The following ATPAF2 variants were observed in gnomAD, a reference collection of about 807,000 sequenced individuals.
ATPAF2 encodes the protein ATP12 homolog.
Under a neutral mutation model 36.6 loss-of-function variants are expected in ATPAF2, and 30 were observed. The ratio of observed to expected loss-of-function variants is 0.82; its 90% confidence interval spans 0.61 to 1.11. The LOEUF (loss-of-function observed/expected upper bound fraction) is 1.11, where lower values mean the gene tolerates loss of function less well. ATPAF2 is among the 50% of genes most tolerant of loss of function. The probability of loss-of-function intolerance (pLI) is 0.00; values close to 1 mark genes in which losing one functional copy is unlikely to be tolerated. For synonymous variants in ATPAF2, 140 were observed against 152.6 expected (o/e 0.92, Z 0.61); for missense variants, 321 against 372.3 (o/e 0.86, Z 1.13).
intron 5 of ATPAF2, among the ~76,000 whole-genome samples, chr17:18,023,350 C>G (rs1203186120): frequency 6.6e-6 from 1 of 151,972 alleles, no homozygotes; most frequent in Non-Finnish European, 1.5e-5. Flanking sequence ...ATCGTTTAAA[C>G]CCAAGAGGTG....
chr17:18,018,759 C>T lies in ATPAF2; in HGVS notation c.733-73G>A, dbSNP rs2044422744. 6.2e-6 allele frequency: 10 copies of T among 1,609,028 alleles called. No individual in the cohort carries two copies. In the Middle Eastern group the frequency reaches 5.0e-4, roughly 80 times the overall value. On this transcript the variant is annotated intron_variant, in intron 7 of 7. Transcript: ENST00000474627. ...CTGCCTCCTGACCAAAGCCACGTTCCATTCCAATAGGTTGGCTGAGGGCAA... is the reference window on the plus strand; with the variant it reads ...CTGCCTCCTGACCAAAGCCACGTTCTATTCCAATAGGTTGGCTGAGGGCAA...
chr17:18,029,531 AAAT>A (rs1336629841), intron 1 of ATPAF2, among the ~76,000 whole-genome samples: 2 of 152,202 alleles, frequency 1.3e-5, no homozygotes, highest in Non-Finnish European at 2.9e-5. Context: ...TATTTATTGG[AAAT>A]AATGATGCAG....
At chr17:18,033,319 G>T (rs548981153) in intron 1 of ATPAF2, among the ~76,000 whole-genome samples, 3 of 146,474 alleles carry the variant, frequency 2.0e-5, no homozygotes, top group Non-Finnish European at 3.0e-5. Flanking sequence ...CCAAGATTGC[G>T]CCACTGCACC....
intron 7 of ATPAF2, 171 bp downstream of exon 7, chr17:18,020,952 T>C: frequency 7.0e-7 from 1 of 1,426,414 alleles, no homozygotes. Flanking sequence ...TGAACCACCA[T>C]GCCAGGCCTA....
intron 1 of ATPAF2, among the ~76,000 whole-genome samples, chr17:18,030,054 C>G (rs1597674273): frequency 6.6e-6 from 1 of 151,800 alleles, no homozygotes; most frequent in East Asian, 1.9e-4. Flanking sequence ...GGCGCAGTGG[C>G]TCACGCCTGT....
Position 18,021,155 on chromosome 17 carries a change from C to T in ATPAF2, c.700G>A (p.Val234Met), listed in dbSNP as rs577409637. ...TCCTCCTCCAGGCGTGACAGCAGCA[C>T]GGCCTGCTCCACTGTCAGGCGCAGG... ...IDLRLTVEQA[V>M]LLSRLEEEYQ... Residue 234 changes from valine to methionine, a missense_variant, in exon 7 of 8, where the codon GTG (valine) becomes ATG (methionine). This residue lies in a region of ATPAF2 where 199 missense variants were observed against 220.6 expected (regional missense o/e 0.90). Coordinates refer to ENST00000474627, the MANE Select transcript of ATPAF2 (RefSeq NM_145691.4). The T allele has an allele frequency of 4.3e-6, 7 of 1,613,938 alleles. No individual in the cohort carries two copies. In the African/African-American group the frequency reaches 5.3e-5, roughly 12 times the overall value.
intron 7 of ATPAF2, among the ~76,000 whole-genome samples, chr17:18,019,263 T>TCCAGGC (rs370959799): frequency 1.5e-4 from 23 of 151,574 alleles, no homozygotes; most frequent in African/African-American, 5.6e-4. Flanking sequence ...AGAAGTGCAG[T>TCCAGGC]CCAGGCCCAG....
intron 1 of ATPAF2, 117 bp from the exon 2 acceptor site, chr17:18,028,776 TC>T (rs1421989664): frequency 1.2e-5 from 12 of 996,350 alleles, no homozygotes; most frequent in Admixed American, 1.7e-5. Flanking sequence ...GATTTTCATA[TC>T]CCCATTCAAG....
intron 3 of ATPAF2, chr17:18,026,786 C>T: frequency 2.9e-6 from 1 of 350,048 alleles, no homozygotes; most frequent in South Asian, 2.9e-5. Flanking sequence ...AACTGAGGCC[C>T]AGACAGGTTA....
chr17:18,016,629 G>C (rs2044374539), downstream of ATPAF2: 1 of 1,613,806 alleles, frequency 6.2e-7, no homozygotes, highest in Admixed American at 1.7e-5. Context: ...ACCACATGCA[G>C]AGCGAACTGG....
At chr17:18,021,390 C>G (rs1341128109) in intron 6 of ATPAF2, 152 bp from the exon 7 acceptor site, 12 of 723,456 alleles carry the variant, frequency 1.7e-5, no homozygotes, top group Middle Eastern at 3.5e-4. Context: ...GCACTCTGGT[C>G]TTCCCTGGGG....
chr17:18,024,484 G>A (rs1370624558), intron 5 of ATPAF2, 140 bp downstream of exon 5: 5 of 747,900 alleles, frequency 6.7e-6, no homozygotes, highest in Non-Finnish European at 1.2e-5. Flanking sequence ...TCATATGAGG[G>A]GAGCCAAATC....
intron 1 of ATPAF2, among the ~76,000 whole-genome samples, chr17:18,029,459 G>A (rs554051638): frequency 3.3e-5 from 5 of 152,072 alleles, no homozygotes; most frequent in African/African-American, 7.2e-5. Flanking sequence ...TCATTCATTC[G>A]TTTGTTCACT....
At chr17:18,030,236 G>C (rs938166700) in intron 1 of ATPAF2, among the ~76,000 whole-genome samples, 9 of 144,772 alleles carry the variant, frequency 6.2e-5, no homozygotes, top group Non-Finnish European at 1.0e-4. Flanking sequence ...CAGGAGAATC[G>C]CTTGAACCCG....
chr17:18,027,939 A>T, intron 3 of ATPAF2: 1 of 454,076 alleles, frequency 2.2e-6, no homozygotes. Flanking sequence ...ACAAATGGCC[A>T]GCTGCTGTCA....
intron 4 of ATPAF2, 102 bp downstream of exon 4, chr17:18,026,217 T>A: frequency 8.5e-7 from 1 of 1,170,176 alleles, no homozygotes; most frequent in Admixed American, 1.7e-5. Context: ...TCCTTGTCCT[T>A]GCAATAAATG....
chr17:18,031,786 A>T (rs1265905037), intron 1 of ATPAF2, among the ~76,000 whole-genome samples: 1 of 152,206 alleles, frequency 6.6e-6, no homozygotes, highest in Non-Finnish European at 1.5e-5. Context: ...TCTCAAAAAA[A>T]AGAAAATAAA....
rs996761727 is a variant in ATPAF2 at position 18,018,639 on chromosome 17, C to G, written c.780G>C (p.Gln260His). Residue 260 changes from glutamine to histidine, a missense_variant, in exon 8 of 8, where the codon CAG becomes CAC. This residue lies in a region of ATPAF2 where 199 missense variants were observed against 220.6 expected (regional missense o/e 0.90). Coordinates refer to ENST00000474627, the MANE Select transcript of ATPAF2 (RefSeq NM_145691.4). The part of the protein sequence containing the change: ...NIEWAHDYEL[Q>H]ELRARTAAGT... Reference sequence around the variant, plus strand: ...CGGCGGCGGTGCGGGCCCGCAGCTCCTGCAGCTCATAGTCATGGGCCCACT... The same window carrying G: ...CGGCGGCGGTGCGGGCCCGCAGCTCGTGCAGCTCATAGTCATGGGCCCACT... 1.2e-6 allele frequency: 2 copies of G among 1,614,112 alleles called. No individual in the cohort carries two copies. Among genetic ancestry groups the G allele is most frequent in the Non-Finnish European group, 1.7e-6 (2 of 1,180,026 alleles).
intron 7 of ATPAF2, 87 bp downstream of exon 7, chr17:18,021,036 T>A (rs1010046874): frequency 6.6e-7 from 1 of 1,518,928 alleles, no homozygotes; most frequent in Non-Finnish European, 8.9e-7. Flanking sequence ...CAAGTATGCA[T>A]AACTATATTT....
Sources: allele counts gnomAD v4.1 joint callset (sites outside exome capture counted in the v4.1 genomes callset), GRCh38; gene constraint gnomAD v4.1.1; regional missense constraint gnomAD v4.1.1; transcripts MANE v1.5; gene names NCBI Gene and HGNC (gene_info 2026-07-23, HGNC 2026-07-21).